CYB5R4: variants seen among roughly 807,000 people sequenced by gnomAD.
CYB5R4 encodes cytochrome b5 reductase 4.
In CYB5R4, 55 loss-of-function variants were observed where a neutral mutation model predicts 70.2. The ratio of observed to expected loss-of-function variants is 0.78; its 90% CI spans 0.63 to 0.98. The LOEUF is 0.98. CYB5R4 is among the 50% of genes least tolerant of loss of function. CYB5R4 has a pLI of 0.00. For missense variants in CYB5R4, 562 were observed against 612.6 expected (o/e 0.92, Z 0.87); for synonymous variants, 197 against 199.5 (o/e 0.99, Z 0.11).
intron 12 of CYB5R4, among the ~76,000 whole-genome samples, chr6:83,938,453 A>T (rs2099469261): frequency 6.6e-6 from 1 of 152,172 alleles, no homozygotes; most frequent in Non-Finnish European, 1.5e-5. Context: ...ACAATTATTC[A>T]TCTCTTTGTT....
At chr6:83,867,740 A>G (rs927078317) in intron 2 of CYB5R4, among the ~76,000 whole-genome samples, 9 of 152,232 alleles carry the variant, frequency 5.9e-5, no homozygotes, top group Non-Finnish European at 8.8e-5. Context: ...CTGTATGCAC[A>G]GCATGACTCA....
At chr6:83,882,904 G>T (rs2099459689) in intron 2 of CYB5R4, among the ~76,000 whole-genome samples, 1 of 152,174 alleles carries the variant, frequency 6.6e-6, no homozygotes, top group Non-Finnish European at 1.5e-5. Context: ...AGCCCTGGAA[G>T]CAGAGGTTGC....
chr6:83,932,482 A>G (rs2099468305), intron 10 of CYB5R4, among the ~76,000 whole-genome samples: 2 of 152,210 alleles, frequency 1.3e-5, no homozygotes, highest in African/African-American at 4.8e-5. Context: ...GATATGCACT[A>G]GATTTTATTA....
chr6:83,939,966 C>A, intron 12 of CYB5R4, 90 bp from the exon 13 acceptor site: 1 of 832,446 alleles, frequency 1.2e-6, no homozygotes, highest in Non-Finnish European at 1.9e-6. Context: ...TTAAATTCAG[C>A]TAGTTTTGGC....
At position 83,914,402 on chromosome 6, in the gene CYB5R4, A is replaced by G. The variant is rs940803731; in HGVS notation, c.413-14A>G. The G allele has an allele frequency of 1.3e-6, 2 of 1,529,376 alleles. No individual in the cohort carries two copies. The highest frequency in any genetic ancestry group is 4.0e-5 in the Admixed American group (2 of 50,576). The allele number at this position is 1,529,376 out of a possible 1,614,324, so 94.7% of individuals were successfully genotyped here. Reference sequence around the variant, plus strand: ...GTATTCTTATTTGACTTTTTTTTCTAAATCACTATACAGACTATCGTGAGG... The same window carrying G: ...GTATTCTTATTTGACTTTTTTTTCTGAATCACTATACAGACTATCGTGAGG... On this transcript the variant is annotated splice_polypyrimidine_tract_variant and intron_variant, in intron 4 of 15. Coordinates refer to ENST00000369681, the MANE Select transcript of CYB5R4 (RefSeq NM_016230.4).
chr6:83,905,371 C>T (rs2099463607), intron 3 of CYB5R4, among the ~76,000 whole-genome samples: 3 of 152,092 alleles, frequency 2.0e-5, no homozygotes, highest in Admixed American at 2.0e-4. Context: ...AATTTGCTTT[C>T]ATATGGGAGA....
chr6:83,896,374 G>A (rs771274091), intron 3 of CYB5R4, among the ~76,000 whole-genome samples: 10 of 152,304 alleles, frequency 6.6e-5, no homozygotes, highest in Non-Finnish European at 1.2e-4. Flanking sequence ...AGCCTGGCAT[G>A]TGAGGTCCTA....
intron 1 of CYB5R4, among the ~76,000 whole-genome samples, chr6:83,860,839 T>G (rs568729129): frequency 2.6e-5 from 4 of 152,364 alleles, no homozygotes. Context: ...GCCGTGTATA[T>G]TCTCAGTGCT....
In CYB5R4 at chr6:83,911,812, G is replaced by A. The variant is rs180721511; in HGVS notation, c.413-2604G>A. ...TAATCCCAGCACTTTGGGATGCCAA[G>A]GCAGGTGAATCACTTGAGTTCAGGA... On this transcript the variant is annotated intron_variant, in intron 4 of 15. Coordinates refer to ENST00000369681, the MANE Select transcript of CYB5R4 (RefSeq NM_016230.4). Among the ~76,000 whole-genome samples the A allele has an allele frequency of 1.4e-4, 21 of 152,110 alleles. No individual in the cohort carries two copies. In the East Asian group the frequency reaches 4.1e-3, roughly 29 times the overall value.
intron 10 of CYB5R4, among the ~76,000 whole-genome samples, chr6:83,931,136 C>T (rs1346214668): frequency 6.6e-6 from 1 of 152,210 alleles, no homozygotes; most frequent in East Asian, 1.9e-4. Context: ...AAGAGCTTTT[C>T]CATTGCATCC....
In CYB5R4 at chr6:83,921,178, G is replaced by A. The variant is rs2099466319; in HGVS notation, c.658+3G>A. 2.0e-6 allele frequency: 3 copies of A among 1,485,700 alleles called. No homozygotes were observed. Among genetic ancestry groups the A allele is most frequent in the Non-Finnish European group, 2.7e-6 (3 of 1,100,470 alleles). 92.0% of individuals were successfully genotyped at this position (1,485,700 alleles called of 1,614,324 possible). ...TTGTTTATATCTTATACATATTGGTGAGTACTTTATTATTATTAATGGAAA... is the reference window on the plus strand; with the variant it reads ...TTGTTTATATCTTATACATATTGGTAAGTACTTTATTATTATTAATGGAAA... On this transcript the variant is annotated splice_donor_region_variant and intron_variant, in intron 8 of 15. Transcript: ENST00000369681.
intron 2 of CYB5R4, among the ~76,000 whole-genome samples, chr6:83,889,867 AG>A (rs1338230081): frequency 6.6e-6 from 1 of 152,128 alleles, no homozygotes; most frequent in Non-Finnish European, 1.5e-5. Flanking sequence ...AAGAAAGAGG[AG>A]GGGTGGAGGT....
At chr6:83,925,986 A>C (rs1208053735) in intron 10 of CYB5R4, among the ~76,000 whole-genome samples, 1 of 152,162 alleles carries the variant, frequency 6.6e-6, no homozygotes, top group Non-Finnish European at 1.5e-5. Flanking sequence ...TTATTAGCTT[A>C]TCTTTTAAAG....
intron 4 of CYB5R4, among the ~76,000 whole-genome samples, chr6:83,913,120 G>A (rs1237432753): frequency 6.6e-6 from 1 of 152,122 alleles, no homozygotes; most frequent in Non-Finnish European, 1.5e-5. Context: ...ATAGATACAT[G>A]TTCTGTGAAT....
At chr6:83,875,925 A>T (rs957113341) in intron 2 of CYB5R4, among the ~76,000 whole-genome samples, 7 of 152,068 alleles carry the variant, frequency 4.6e-5, no homozygotes, top group Non-Finnish European at 1.0e-4. Flanking sequence ...GGTATGTCTG[A>T]CTTTCTCGGA....
At chr6:83,880,683 C>T (rs2099459302) in intron 2 of CYB5R4, among the ~76,000 whole-genome samples, 7 of 151,894 alleles carry the variant, frequency 4.6e-5, no homozygotes, top group Admixed American at 4.6e-4. Flanking sequence ...TGGTCAATTT[C>T]CATTTAGTTA....
intron 2 of CYB5R4, among the ~76,000 whole-genome samples, chr6:83,882,549 T>G (rs2099459619): frequency 6.6e-6 from 1 of 152,110 alleles, no homozygotes; most frequent in Non-Finnish European, 1.5e-5. Flanking sequence ...ATTTATAAGG[T>G]CAGAATATAA....
At chr6:83,939,970 T>C (rs2099469499) in intron 12 of CYB5R4, 86 bp from the exon 13 acceptor site, 1 of 909,314 alleles carries the variant, frequency 1.1e-6, no homozygotes, top group African/African-American at 1.7e-5. Context: ...ATTCAGCTAG[T>C]TTTGGCTTCT....
At chr6:83,953,522 A>G (rs923089701) in intron 14 of CYB5R4, among the ~76,000 whole-genome samples, 5 of 152,070 alleles carry the variant, frequency 3.3e-5, no homozygotes, top group Admixed American at 3.3e-4. Context: ...GGCCCCAAGT[A>G]CTCTGAAATA....
Sources: allele counts gnomAD v4.1 joint callset (sites outside exome capture counted in the v4.1 genomes callset), GRCh38; gene constraint gnomAD v4.1.1; transcripts MANE v1.5; gene names NCBI Gene and HGNC (gene_info 2026-07-23, HGNC 2026-07-21).